ZNF644: variants seen among roughly 807,000 people sequenced by gnomAD.
ZNF644 encodes the protein zinc finger protein 644.
In ZNF644, 20 loss-of-function variants were observed where a neutral mutation model predicts 108.0. That is an observed-to-expected ratio of 0.19 (90% CI 0.13 to 0.27). The LOEUF (loss-of-function observed/expected upper bound fraction) is 0.27. Ranked by LOEUF, ZNF644 falls within the 10% of genes least tolerant of loss-of-function variation. The probability of loss-of-function intolerance (pLI) is 1.00; values close to 1 mark genes in which losing one functional copy is unlikely to be tolerated. For synonymous variants in ZNF644, 542 were observed against 539.1 expected, an observed-to-expected ratio of 1.01 and a Z score of -0.08; for missense variants, 1,338 against 1,548.9, an observed-to-expected ratio of 0.86 and a Z score of 2.29.
At chr1:90,919,979 C>T in intron 4 of ZNF644, among the ~76,000 whole-genome samples, 1 of 151,978 alleles carries the variant, frequency 6.6e-6, no homozygotes, top group East Asian at 1.9e-4. Flanking sequence ...CTAGGTTATT[C>T]ACAACAACTA....
intron 1 of ZNF644, among the ~76,000 whole-genome samples, chr1:90,986,517 C>G (rs1333796111): frequency 6.6e-6 from 1 of 151,860 alleles, no homozygotes; most frequent in Admixed American, 6.6e-5. Context: ...AACAAATGTA[C>G]TGTACTAATG....
chr1:90,957,772 G>C (rs907654538), intron 2 of ZNF644, among the ~76,000 whole-genome samples: 4 of 152,082 alleles, frequency 2.6e-5, no homozygotes, highest in Non-Finnish European at 5.9e-5. Flanking sequence ...AAGTCAGTCA[G>C]AGCAATTATG....
intron 4 of ZNF644, among the ~76,000 whole-genome samples, chr1:90,924,401 T>C (rs1649788718): frequency 6.6e-6 from 1 of 152,172 alleles, no homozygotes; most frequent in Non-Finnish European, 1.5e-5. Flanking sequence ...CAATCTGCTT[T>C]AAGTCACTTT....
At chr1:90,977,675 A>G (rs990142037) in intron 2 of ZNF644, among the ~76,000 whole-genome samples, 7 of 152,236 alleles carry the variant, frequency 4.6e-5, no homozygotes, top group African/African-American at 1.7e-4. Flanking sequence ...TTGCAGTTTT[A>G]TTACATCAGA....
intron 1 of ZNF644, among the ~76,000 whole-genome samples, chr1:90,986,270 T>C (rs1657083877): frequency 2.6e-5 from 4 of 151,438 alleles, no homozygotes; most frequent in Admixed American, 2.0e-4. Flanking sequence ...TAGAAGATCA[T>C]AGAGTATATC....
intron 1 of ZNF644, chr1:91,020,423 C>A (rs965330137): frequency 6.6e-6 from 1 of 152,170 alleles, no homozygotes; most frequent in Non-Finnish European, 1.5e-5. Context: ...AATACCAACA[C>A]AAAGTATGAT....
chr1:90,939,700 C>T lies in ZNF644; in HGVS notation c.1654G>A (p.Val552Ile). Reference sequence around the variant, plus strand: ...TCAGAAGTGACCATAGGGCATTTTACCACTGCCCCATGTGCAATGCCTCGA... The same window carrying T: ...TCAGAAGTGACCATAGGGCATTTTATCACTGCCCCATGTGCAATGCCTCGA... Reference protein sequence around the residue: ...CHRGIAHGAVVKCPMVTSDIA... With the variant: ...CHRGIAHGAVIKCPMVTSDIA... The change falls in exon 3 of 6, where the codon GTA (valine) becomes ATA (isoleucine). Residue 552 changes from valine (V) to isoleucine (I), a missense_variant. By Grantham distance (29) the Val-to-Ile change is conservative. Transcript: ENST00000337393. 6.2e-7 allele frequency: 1 copy of T among 1,613,966 alleles called. No individual in the cohort carries two copies. Among genetic ancestry groups the T allele is most frequent in the Non-Finnish European group, 8.5e-7 (1 of 1,179,946 alleles).
At chr1:90,955,995 A>G (rs920306588) in intron 2 of ZNF644, among the ~76,000 whole-genome samples, 2 of 152,234 alleles carry the variant, frequency 1.3e-5, no homozygotes, top group Non-Finnish European at 2.9e-5. Context: ...TCAAACACTA[A>G]TAGAGGCCAC....
chr1:90,950,707 A>T (rs1184696634), intron 2 of ZNF644, among the ~76,000 whole-genome samples: 1 of 152,214 alleles, frequency 6.6e-6, no homozygotes, highest in Non-Finnish European at 1.5e-5. Flanking sequence ...AGTAAAGAAG[A>T]ATATAGAAGA....
chr1:91,004,085 C>A (rs1367964027), intron 1 of ZNF644, among the ~76,000 whole-genome samples: 2 of 151,962 alleles, frequency 1.3e-5, no homozygotes, highest in Non-Finnish European at 2.9e-5. Flanking sequence ...ATTAAACATC[C>A]CATTGTATAC....
At chr1:91,005,063 T>C (rs1352910252) in intron 1 of ZNF644, among the ~76,000 whole-genome samples, 1 of 152,030 alleles carries the variant, frequency 6.6e-6, no homozygotes, top group Non-Finnish European at 1.5e-5. Flanking sequence ...GTAAAAAACA[T>C]AATCCAACTA....
At chr1:90,935,170 C>T (rs756278547) in intron 4 of ZNF644, among the ~76,000 whole-genome samples, 2 of 152,076 alleles carry the variant, frequency 1.3e-5, no homozygotes, top group African/African-American at 2.4e-5. Context: ...AAGTTCCACA[C>T]CTCTTGGGTT....
At chr1:90,957,825 G>A (rs1557597869) in intron 2 of ZNF644, among the ~76,000 whole-genome samples, 1 of 152,060 alleles carries the variant, frequency 6.6e-6, no homozygotes, top group Non-Finnish European at 1.5e-5. Context: ...AAAAGAAGAA[G>A]TCAAACTATC....
chr1:90,994,023 G>C (rs903757075), intron 1 of ZNF644, among the ~76,000 whole-genome samples: 1 of 152,200 alleles, frequency 6.6e-6, no homozygotes, highest in Non-Finnish European at 1.5e-5. Context: ...CTCTCAGGCT[G>C]ATCAGATTAC....
At chr1:90,955,248 G>A (rs1653637206) in intron 2 of ZNF644, among the ~76,000 whole-genome samples, 1 of 152,214 alleles carries the variant, frequency 6.6e-6, no homozygotes, top group African/African-American at 2.4e-5. Flanking sequence ...AGCACAGGTA[G>A]AGATTTCGTA....
chr1:90,986,638 T>C (rs1026671596), intron 1 of ZNF644, among the ~76,000 whole-genome samples: 2 of 152,016 alleles, frequency 1.3e-5, no homozygotes, highest in African/African-American at 2.4e-5. Flanking sequence ...TAAAAAAGAA[T>C]GTCTATTAAT....
rs1650719033 is a variant in ZNF644 at position 90,931,454 on chromosome 1, C to T, written c.3688+6031G>A. On this transcript the variant is annotated intron_variant, in intron 4 of 5. Transcript: ENST00000337393. ...GAATAAGAAGTCTGCCTTAAATTTA[C>T]AATATAGGATATAAAATAAACCCTT... Among the ~76,000 whole-genome samples the T allele has an allele frequency of 2.6e-5, 4 of 150,948 alleles. No individual in the cohort carries two copies. The South Asian group carries it at 8.4e-4, about 32-fold the overall frequency.
intron 1 of ZNF644, among the ~76,000 whole-genome samples, chr1:90,998,836 T>G (rs1026567873): frequency 2.6e-5 from 4 of 152,034 alleles, no homozygotes; most frequent in African/African-American, 9.7e-5. Context: ...GAATAACCAG[T>G]GTAGAGAAGT....
chr1:91,000,429 T>C (rs1180876617), intron 1 of ZNF644, among the ~76,000 whole-genome samples: 1 of 152,182 alleles, frequency 6.6e-6, no homozygotes, highest in Non-Finnish European at 1.5e-5. Flanking sequence ...AACCTGCTCC[T>C]GAATAACTAT....
Sources: gnomAD v4.1 joint callset for allele counts (sites outside exome capture counted in the v4.1 genomes callset) on GRCh38, gnomAD v4.1.1 for gene constraint, MANE v1.5 for transcripts, NCBI Gene and HGNC (gene_info 2026-07-23, HGNC 2026-07-21) for gene names.